Variants in DLGAP1 observed in about 807,000 individuals in gnomAD.
DLGAP1 encodes disks large-associated protein 1.
Under a neutral mutation model 90.8 loss-of-function variants are expected in DLGAP1, and 11 were observed. The ratio of observed to expected loss-of-function variants is 0.12; its 90% CI spans 0.08 to 0.20. The LOEUF (loss-of-function observed/expected upper bound fraction) is 0.20, where lower values mean the gene tolerates loss of function less well. Among genes scored for constraint, DLGAP1 ranks in the 10% least tolerant of loss-of-function variants. DLGAP1 has a pLI of 1.00. For synonymous variants in DLGAP1, 558 were observed against 540.7 expected (o/e 1.03, Z -0.44); for missense variants, 1,050 against 1,333.8 (o/e 0.79, Z 3.31).
chr18:3,639,391 GAAAAGAAA>G (rs2146291004), intron 7 of DLGAP1, among the ~76,000 whole-genome samples: 1 of 151,600 alleles, frequency 6.6e-6, no homozygotes. Flanking sequence ...GAAAAGAAAA[GAAAAGAAA>G]AGAAAAATCC....
At chr18:3,570,723 G>C (rs1189274386) in intron 8 of DLGAP1, among the ~76,000 whole-genome samples, 1 of 151,670 alleles carries the variant, frequency 6.6e-6, no homozygotes, top group Admixed American at 6.6e-5. Context: ...GAGCCCAAGA[G>C]TTAAAGACCA....
intron 11 of DLGAP1, among the ~76,000 whole-genome samples, chr18:3,504,886 C>T (rs563592132): frequency 1.3e-5 from 2 of 152,228 alleles, no homozygotes; most frequent in East Asian, 3.9e-4. Flanking sequence ...AGACATGCTG[C>T]CTTGGAGACC....
chr18:3,645,667 T>C (rs1447755959), intron 7 of DLGAP1, among the ~76,000 whole-genome samples: 1 of 152,230 alleles, frequency 6.6e-6, no homozygotes, highest in Admixed American at 6.5e-5. Flanking sequence ...GGCTGACTTC[T>C]ATGTTCACAT....
intron 5 of DLGAP1, among the ~76,000 whole-genome samples, chr18:3,759,938 C>T (rs1432450270): frequency 1.3e-5 from 2 of 152,172 alleles, no homozygotes; most frequent in African/African-American, 4.8e-5. Context: ...GTACAGGCAG[C>T]GGCCGGGGTG....
chr18:4,320,046 T>C (rs779787276), intron 1 of DLGAP1, among the ~76,000 whole-genome samples: 13 of 152,098 alleles, frequency 8.5e-5, no homozygotes, highest in Non-Finnish European at 1.8e-4. Flanking sequence ...AATAATCCAA[T>C]GTTAATTAAA....
At chr18:3,730,592 C>A (rs1364647575) in intron 6 of DLGAP1, among the ~76,000 whole-genome samples, 3 of 151,998 alleles carry the variant, frequency 2.0e-5, no homozygotes, top group Non-Finnish European at 4.4e-5. Context: ...TCATGAGGCA[C>A]CGAGAATTTA....
rs959010452 is a variant in DLGAP1 at position 3,711,766 on chromosome 18, G to A, written c.1591+17369C>T. On this transcript the variant is annotated intron_variant, in intron 7 of 12. Transcript: ENST00000315677. This position sits in a 1 kb window ranked among gnomAD's most constrained non-coding sequence, Gnocchi z 4.0. ...AGGTGGGAGGCTTGCTTGAGCCCGGGAGATCAAGGCTGTTGTGAGCCATGA... is the reference window on the plus strand; with the variant it reads ...AGGTGGGAGGCTTGCTTGAGCCCGGAAGATCAAGGCTGTTGTGAGCCATGA... Among the ~76,000 whole-genome samples, 1 of 152,178 alleles carries A rather than the reference G, an allele frequency of 6.6e-6. No individual in the cohort carries two copies. The highest frequency in any genetic ancestry group is 2.4e-5 in the African/African-American group (1 of 41,438).
intron 2 of DLGAP1, among the ~76,000 whole-genome samples, chr18:4,039,339 T>G (rs2074941119): frequency 6.6e-6 from 1 of 152,156 alleles, no homozygotes; most frequent in Non-Finnish European, 1.5e-5. Flanking sequence ...TGAATGACTC[T>G]CTAGGGCTCA....
intron 3 of DLGAP1, among the ~76,000 whole-genome samples, chr18:3,930,692 C>A (rs899584867): frequency 2.0e-5 from 3 of 152,118 alleles, no homozygotes; most frequent in African/African-American, 4.8e-5. Context: ...AGGGACAGAA[C>A]CTTGAGGGCC....
intron 4 of DLGAP1, among the ~76,000 whole-genome samples, chr18:3,837,455 T>C (rs1242926633): frequency 6.6e-6 from 1 of 152,232 alleles, no homozygotes. Context: ...GTAGGCTCTT[T>C]CTTTTCATAA....
chr18:3,508,734 A>ACT, intron 10 of DLGAP1, 73 bp from the exon 11 acceptor site: 1 of 1,257,412 alleles, frequency 8.0e-7, no homozygotes, highest in South Asian at 1.3e-5. Context: ...TAAAGCAAAG[A>ACT]GGAAGTTATG....
intron 4 of DLGAP1, among the ~76,000 whole-genome samples, chr18:3,823,145 T>C (rs2067514113): frequency 1.3e-5 from 2 of 152,344 alleles, no homozygotes; most frequent in South Asian, 2.1e-4. Context: ...TTCTCCTCAA[T>C]TCGAGGTCCA....
chr18:3,826,752 A>G (rs746727353), intron 4 of DLGAP1, among the ~76,000 whole-genome samples: 2 of 152,112 alleles, frequency 1.3e-5, no homozygotes, highest in Non-Finnish European at 2.9e-5. Context: ...GATGAGATAC[A>G]GACACATTCT....
chr18:4,436,616 C>T (rs2083405470), intron 1 of DLGAP1, among the ~76,000 whole-genome samples: 1 of 63,908 alleles, frequency 1.6e-5, no homozygotes, highest in South Asian at 4.4e-4. Flanking sequence ...TAGAAAGGGT[C>T]CTGAGATCTA....
intron 1 of DLGAP1, among the ~76,000 whole-genome samples, chr18:4,402,527 T>C (rs1367154794): frequency 6.6e-6 from 1 of 152,204 alleles, no homozygotes; most frequent in Non-Finnish European, 1.5e-5. Flanking sequence ...AATTCTATTT[T>C]ACAGATGAGA....
At chr18:3,769,861 C>T (rs1205944915) in intron 5 of DLGAP1, among the ~76,000 whole-genome samples, 1 of 151,672 alleles carries the variant, frequency 6.6e-6, no homozygotes, top group Non-Finnish European at 1.5e-5. Flanking sequence ...GGGGGGAAAA[C>T]TGGGTATAAG....
intron 7 of DLGAP1, among the ~76,000 whole-genome samples, chr18:3,611,259 C>T (rs890841806): frequency 6.6e-6 from 1 of 152,130 alleles, no homozygotes; most frequent in African/African-American, 2.4e-5. Flanking sequence ...ACCCAGCTTA[C>T]AGCAGCCTCA....
At chr18:3,632,492 G>A (rs1023725634) in intron 7 of DLGAP1, among the ~76,000 whole-genome samples, 5 of 151,920 alleles carry the variant, frequency 3.3e-5, no homozygotes, top group South Asian at 2.1e-4. Flanking sequence ...TCGCAGAGAC[G>A]GGGTTTCACC....
intron 7 of DLGAP1, among the ~76,000 whole-genome samples, chr18:3,590,416 C>T (rs2056165859): frequency 6.6e-6 from 1 of 152,130 alleles, no homozygotes. Context: ...AGGTTCCCCC[C>T]TGTGGATTTT....
Sources: allele counts gnomAD v4.1 joint callset (sites outside exome capture counted in the v4.1 genomes callset), GRCh38; gene constraint gnomAD v4.1.1; non-coding constraint Gnocchi (gnomAD v3.1); transcripts MANE v1.5; gene names NCBI Gene and HGNC (gene_info 2026-07-23, HGNC 2026-07-21).